Variants in PRKCB observed in about 807,000 individuals in gnomAD.
PRKCB encodes protein kinase C beta.
Under a neutral mutation model 81.5 loss-of-function variants are expected in PRKCB, and 13 were observed. That is an observed-to-expected ratio of 0.16 (90% CI 0.10 to 0.25). PRKCB has a LOEUF of 0.25. PRKCB is among the 10% of genes least tolerant of loss of function. The probability of loss-of-function intolerance (pLI) is 1.00; values close to 1 mark genes in which losing one functional copy is unlikely to be tolerated. For missense variants in PRKCB, 509 were observed against 875.7 expected (o/e 0.58, Z 5.29); for synonymous variants, 335 against 321.4 (o/e 1.04, Z -0.45).
chr16:24,064,686 T>G (rs1966010969), intron 5 of PRKCB, among the ~76,000 whole-genome samples: 1 of 152,128 alleles, frequency 6.6e-6, no homozygotes, highest in Non-Finnish European at 1.5e-5. Flanking sequence ...AGTCTCCTAT[T>G]ATGATTCTGG....
intron 16 of PRKCB, among the ~76,000 whole-genome samples, chr16:24,197,439 T>C (rs1424246956): frequency 1.3e-5 from 2 of 151,880 alleles, no homozygotes; most frequent in African/African-American, 4.8e-5. Flanking sequence ...GGAGCTTGCC[T>C]GGCATGGTCA....
At chr16:24,091,914 T>C (rs558014194) in intron 5 of PRKCB, among the ~76,000 whole-genome samples, 1 of 152,352 alleles carries the variant, frequency 6.6e-6, no homozygotes, top group East Asian at 1.9e-4. Context: ...ATGGGCTGTC[T>C]GGGTGCTGGT....
rs544021744 is a variant in PRKCB, at chr16:24,014,892, C to T, written c.289-17244C>T. On this transcript the variant is annotated intron_variant, in intron 3 of 16. Transcript: ENST00000643927. ...CACTGCAACCTCCACCTCCTGGGTT[C>T]GAGCAATTCTCCTGCCTCAACTTCC... Among the ~76,000 whole-genome samples the T allele has an allele frequency of 2.3e-3, 354 of 152,216 alleles. 1 individual carries two copies. Among genetic ancestry groups the T allele is most frequent in the Non-Finnish European group, 4.1e-3 (278 of 68,020 alleles).
At chr16:24,006,158 A>G (rs35529436) in intron 3 of PRKCB, among the ~76,000 whole-genome samples, 576 of 152,204 alleles carry the variant, frequency 3.8e-3, no homozygotes, top group Middle Eastern at 0.01. Flanking sequence ...TGTTCACATA[A>G]CACTGCAGTC....
chr16:24,124,271 G>A (rs1007883385), intron 9 of PRKCB, among the ~76,000 whole-genome samples: 5 of 152,184 alleles, frequency 3.3e-5, no homozygotes, highest in African/African-American at 9.7e-5. Flanking sequence ...TCAGAAGAGA[G>A]CAAGTGCAAA....
chr16:24,174,200 A>G, intron 11 of PRKCB: 1 of 234,356 alleles, frequency 4.3e-6, no homozygotes, highest in Non-Finnish European at 8.2e-6. Context: ...TTTTTAGTAG[A>G]GACAAGGTCT....
chr16:23,988,701 C>T (rs1964833714), intron 3 of PRKCB, 111 bp downstream of exon 3: 3 of 1,012,508 alleles, frequency 3.0e-6, no homozygotes, highest in Non-Finnish European at 4.5e-6. Flanking sequence ...CACTCTAAGG[C>T]ATGTGGTGGT....
rs1265743403 is a variant in PRKCB at position 24,097,875 on chromosome 16, A to G, written c.821+3578A>G. On this transcript the variant is annotated intron_variant, in intron 7 of 16. Coordinates refer to ENST00000643927, the MANE Select transcript of PRKCB (RefSeq NM_002738.7). ...AAAGGAATGTCTGGGTTACATAAGG[A>G]GTTGTGGAGACCAAAGTTTTATCAT... Among the ~76,000 whole-genome samples, 3 of 152,188 alleles carry G rather than the reference A, an allele frequency of 2.0e-5. No homozygotes were observed. The East Asian group carries it at 5.8e-4, about 29-fold the overall frequency.
intron 2 of PRKCB, among the ~76,000 whole-genome samples, chr16:23,906,753 C>T (rs1963567050): frequency 6.6e-6 from 1 of 152,052 alleles, no homozygotes; most frequent in Non-Finnish European, 1.5e-5. Context: ...GTCCCAATAC[C>T]ATTTATTGAA....
intron 9 of PRKCB, among the ~76,000 whole-genome samples, chr16:24,124,933 C>T (rs1000084757): frequency 6.6e-6 from 1 of 152,072 alleles, no homozygotes; most frequent in African/African-American, 2.4e-5. Flanking sequence ...TATTCACTAA[C>T]TTCTCTTCAT....
chr16:24,209,928 A>AC (rs1596600651), intron 16 of PRKCB, among the ~76,000 whole-genome samples: 1 of 147,052 alleles, frequency 6.8e-6, no homozygotes, highest in East Asian at 2.0e-4. Context: ...ACATAGCAAG[A>AC]CCCCACACAC....
At chr16:23,974,975 G>A (rs999292561) in intron 2 of PRKCB, among the ~76,000 whole-genome samples, 2 of 152,164 alleles carry the variant, frequency 1.3e-5, no homozygotes, top group East Asian at 3.9e-4. Context: ...ATGTGCAAGG[G>A]GAAAGCCGGG....
At chr16:24,174,710 A>G (rs1159154934) in intron 12 of PRKCB, 130 bp downstream of exon 12, 7 of 864,342 alleles carry the variant, frequency 8.1e-6, no homozygotes, top group African/African-American at 3.4e-5. Flanking sequence ...TAACTTGGGC[A>G]TGTGTTCTGC....
chr16:24,022,729 G>A (rs907201678), intron 3 of PRKCB, among the ~76,000 whole-genome samples: 9 of 152,298 alleles, frequency 5.9e-5, no homozygotes, highest in Middle Eastern at 3.4e-3. Context: ...TCCTGACCTC[G>A]TGATCCGCCT....
intron 10 of PRKCB, among the ~76,000 whole-genome samples, chr16:24,160,527 G>C (rs1967238564): frequency 1.3e-5 from 2 of 150,962 alleles, no homozygotes; most frequent in South Asian, 2.1e-4. Context: ...GGGTATTACT[G>C]CCTGTATGCT....
chr16:23,968,670 C>T (rs751289988), intron 2 of PRKCB, among the ~76,000 whole-genome samples: 1 of 152,108 alleles, frequency 6.6e-6, no homozygotes, highest in Non-Finnish European at 1.5e-5. Context: ...GCTCAGCTCA[C>T]AGCAGAATCA....
chr16:24,196,037 A>G (rs1002027123), intron 16 of PRKCB, among the ~76,000 whole-genome samples: 2 of 152,202 alleles, frequency 1.3e-5, no homozygotes, highest in African/African-American at 4.8e-5. Flanking sequence ...TCAACCGCTC[A>G]GGGAGGCTCT....
At chr16:24,138,048 G>A (rs1966871137) in intron 9 of PRKCB, among the ~76,000 whole-genome samples, 1 of 152,182 alleles carries the variant, frequency 6.6e-6, no homozygotes, top group Non-Finnish European at 1.5e-5. Flanking sequence ...GTTATTATCT[G>A]CATTTTTAAA....
At chr16:24,090,282 A>G (rs1280436068) in intron 5 of PRKCB, among the ~76,000 whole-genome samples, 1 of 152,244 alleles carries the variant, frequency 6.6e-6, no homozygotes, top group East Asian at 1.9e-4. Flanking sequence ...TGGAGTGCAG[A>G]AAAAATGTCA....
Sources: gnomAD v4.1 joint callset for allele counts (sites outside exome capture counted in the v4.1 genomes callset) on GRCh38, gnomAD v4.1.1 for gene constraint, MANE v1.5 for transcripts, NCBI Gene and HGNC (gene_info 2026-07-23, HGNC 2026-07-21) for gene names.